The following FMO1 variants were observed in gnomAD, a reference collection of about 807,000 sequenced individuals.
The protein encoded by FMO1 is flavin-containing monooxygenase 1.
In FMO1, 36 loss-of-function variants were observed where a neutral mutation model predicts 45.4. That is an observed-to-expected ratio of 0.79 (90% confidence interval 0.61 to 1.05). The LOEUF (loss-of-function observed/expected upper bound fraction) is 1.05, where lower values mean the gene tolerates loss of function less well. Ranked by LOEUF, FMO1 falls within the 50% of genes least tolerant of loss-of-function variation. FMO1 has a pLI of 0.00. For synonymous variants in FMO1, 228 were observed against 227.2 expected (o/e 1.00, Z -0.03); for missense variants, 615 against 640.3 (o/e 0.96, Z 0.43).
chr1:171,283,850 T>C (rs895985509), intron 8 of FMO1, among the ~76,000 whole-genome samples: 7 of 152,204 alleles, frequency 4.6e-5, no homozygotes, highest in African/African-American at 1.4e-4. Flanking sequence ...AGTACCAAAG[T>C]TGTTTAGCAG....
At position 171,285,375 on chromosome 1, in the gene FMO1, G is replaced by A. The variant is rs1661584210; in HGVS notation, c.1430G>A (p.Gly477Asp). The change falls in exon 9 of 9, where the codon GGC (glycine) becomes GAC (aspartate). Residue 477 changes from glycine (G) to aspartate (D), a missense_variant. Coordinates refer to ENST00000617670, the MANE Select transcript of FMO1 (RefSeq NM_001282693.2). ...TCACCATACCAGTTCCGCTTGACTGGCCCAGGAAAATGGGAAGGAGCCAGA... is the reference window on the plus strand; with the variant it reads ...TCACCATACCAGTTCCGCTTGACTGACCCAGGAAAATGGGAAGGAGCCAGA... Reference protein sequence around the residue: ...PCSPYQFRLTGPGKWEGARNA... With the variant: ...PCSPYQFRLTDPGKWEGARNA... 1.9e-6 allele frequency: 3 copies of A among 1,613,724 alleles called. No individual in the cohort carries two copies. Among genetic ancestry groups the A allele is most frequent in the East Asian group, 2.2e-5 (1 of 44,884 alleles).
intron 8 of FMO1, 43 bp from the exon 9 acceptor site, chr1:171,285,159 T>C (rs752246299): frequency 3.8e-6 from 5 of 1,329,580 alleles, no homozygotes; most frequent in Non-Finnish European, 5.2e-6. Context: ...AGATTATCAG[T>C]TTTTTTGTCT....
At chr1:171,274,490 T>C (rs531763433) in intron 3 of FMO1, among the ~76,000 whole-genome samples, 42 of 152,190 alleles carry the variant, frequency 2.8e-4, no homozygotes, top group Non-Finnish European at 2.9e-5. Flanking sequence ...ATATTTATTA[T>C]TTTTATGATT....
chr1:171,255,615 G>A (rs909690879), intron 1 of FMO1, among the ~76,000 whole-genome samples: 1 of 152,134 alleles, frequency 6.6e-6, no homozygotes, highest in African/African-American at 2.4e-5. Flanking sequence ...TTCTGTCTGG[G>A]ACACCCTTCT....
Position 171,281,984 on chromosome 1 carries a change from G to A in FMO1, c.834G>A (p.Gln278=). 2 of 1,599,046 alleles carry A rather than the reference G, an allele frequency of 1.3e-6. No homozygotes were observed. Among genetic ancestry groups the A allele is most frequent in the South Asian group, 2.2e-5 (2 of 89,484 alleles). ...TGTTCATGTTTTTGTTTAGGACTCA[G>A]CTGAAAGAGTTTGTGCTAAATGATG... ...NYGLIPEDRT[Q]LKEFVLNDEL... The change falls in exon 7 of 9, where the codon CAG becomes CAA. Residue 278 remains glutamine (Q), a synonymous_variant. Transcript: ENST00000617670.
At chr1:171,283,092 C>A in intron 7 of FMO1, 52 bp from the exon 8 acceptor site, 1 of 934,120 alleles carries the variant, frequency 1.1e-6, no homozygotes, top group Non-Finnish European at 1.7e-6. Context: ...CATAAGTCAA[C>A]AGCTAGACCT....
chr1:171,255,892 A>C (rs1299067292), intron 1 of FMO1, among the ~76,000 whole-genome samples: 1 of 152,180 alleles, frequency 6.6e-6, no homozygotes, highest in Admixed American at 6.5e-5. Flanking sequence ...TCATATGTAT[A>C]TATGCAATAC....
intron 2 of FMO1, among the ~76,000 whole-genome samples, chr1:171,263,227 T>C (rs1341483530): frequency 6.6e-6 from 1 of 152,148 alleles, no homozygotes; most frequent in African/African-American, 2.4e-5. Context: ...ATTAGTACCA[T>C]TAGCATGATA....
Position 171,267,552 on chromosome 1 carries a change from G to T in FMO1, c.142G>T (p.Glu48Ter), listed in dbSNP as rs1278375104. The T allele has an allele frequency of 6.2e-7, 1 of 1,601,588 alleles. No homozygotes were observed. Among genetic ancestry groups the T allele is most frequent in the Non-Finnish European group, 8.5e-7 (1 of 1,174,964 alleles). ...GGLWRFTEHV[E>*]EGRASLYKSV... ...TGCACTGTTTGTACAGGAACATGTT[G>T]AAGAAGGCAGAGCCAGTCTCTACAA... The change falls in exon 3 of 9, where the codon GAA (glutamate) becomes TAA (stop). Residue 48 changes from glutamate (E) to a stop codon, truncating the protein, a stop_gained. Coordinates refer to ENST00000617670, the MANE Select transcript of FMO1 (RefSeq NM_001282693.2). LOFTEE classifies it high-confidence loss of function.
chr1:171,282,561 A>T, intron 7 of FMO1: 1 of 430,686 alleles, frequency 2.3e-6, no homozygotes, highest in Non-Finnish European at 4.1e-6. Context: ...ATATACCAAA[A>T]ATATAACAGT....
intron 2 of FMO1, among the ~76,000 whole-genome samples, chr1:171,259,148 G>T (rs1379013976): frequency 2.6e-5 from 4 of 152,202 alleles, no homozygotes; most frequent in South Asian, 4.1e-4. Context: ...TCCCCTGAGG[G>T]GCTGAGAGAA....
chr1:171,275,633 C>CT (rs1431090167), intron 4 of FMO1, 125 bp downstream of exon 4: 4 of 654,236 alleles, frequency 6.1e-6, no homozygotes, highest in Admixed American at 3.3e-5. Flanking sequence ...TAGGAGGAGG[C>CT]TTTTTTTGTT....
chr1:171,273,296 C>G (rs928779758), intron 3 of FMO1, among the ~76,000 whole-genome samples: 3 of 152,164 alleles, frequency 2.0e-5, no homozygotes, highest in African/African-American at 7.2e-5. Flanking sequence ...AGTCTCTAGT[C>G]TGTCTTTATC....
chr1:171,283,214 T>C lies in FMO1; in HGVS notation c.1254T>C (p.Ser418=), dbSNP rs371841951. ...ATGCAAGGAAAGAAAACAAGCCCAG[T>C]TGGTAAGTTAACTACTTAATGCACC... The part of the protein sequence containing the change: ...EINARKENKP[S]WFGLCYCKAL... The change falls in exon 8 of 9, where the codon AGT becomes AGC. Residue 418 remains serine (S), a splice_region_variant and synonymous_variant. Transcript: ENST00000617670. 7.0e-7 allele frequency: 1 copy of C among 1,425,464 alleles called. No individual in the cohort carries two copies. The highest frequency in any genetic ancestry group is 9.5e-7 in the Non-Finnish European group (1 of 1,050,464). The allele number at this position is 1,425,464 out of a possible 1,614,324, so 88.3% of individuals were successfully genotyped here.
At chr1:171,277,836 A>G (rs1661170583) in intron 4 of FMO1, among the ~76,000 whole-genome samples, 1 of 152,216 alleles carries the variant, frequency 6.6e-6, no homozygotes, top group Non-Finnish European at 1.5e-5. Context: ...CTAAAGAGCC[A>G]GCAGGCCTTG....
intron 1 of FMO1, among the ~76,000 whole-genome samples, chr1:171,249,148 G>A (rs4916191): frequency 0.58 from 87,549 of 151,618 alleles, 27,850 homozygotes; most frequent in African/African-American, 0.85. Context: ...AAAGTGTTTC[G>A]TGCTTCATTC....
At chr1:171,280,651 A>G (rs1661308906) in intron 5 of FMO1, 135 bp from the exon 6 acceptor site, 1 of 666,768 alleles carries the variant, frequency 1.5e-6, no homozygotes, top group South Asian at 1.9e-5. Flanking sequence ...AACCAAGACT[A>G]TCTTGTCAGG....
intron 2 of FMO1, among the ~76,000 whole-genome samples, chr1:171,258,862 G>C (rs1004068912): frequency 1.4e-4 from 22 of 152,118 alleles, no homozygotes; most frequent in African/African-American, 4.8e-4. Flanking sequence ...GGTGAGGACC[G>C]AGGAAAGGGG....
At chr1:171,280,664 TG>T (rs1661309793) in intron 5 of FMO1, 121 bp from the exon 6 acceptor site, 3 of 714,726 alleles carry the variant, frequency 4.2e-6, no homozygotes, top group Non-Finnish European at 4.9e-6. Context: ...TTGTCAGGGG[TG>T]TATTTTGAGA....
Sources: allele counts gnomAD v4.1 joint callset (sites outside exome capture counted in the v4.1 genomes callset), GRCh38; gene constraint gnomAD v4.1.1; transcripts MANE v1.5; gene names NCBI Gene and HGNC (gene_info 2026-07-23, HGNC 2026-07-21).